The following TNN variants were observed in gnomAD, a reference collection of about 807,000 sequenced individuals.
TNN encodes tenascin-N.
In TNN, 122 loss-of-function variants were observed where a neutral mutation model predicts 134.4. The observed-to-expected ratio is 0.91, with a 90% confidence interval of 0.78 to 1.06. TNN has a LOEUF of 1.06. TNN is among the 50% of genes least tolerant of loss of function. The pLI, the probability that TNN is intolerant of heterozygous loss-of-function variation, is 0.00. For synonymous variants in TNN, 710 were observed against 670.3 expected (o/e 1.06, Z -0.91); for missense variants, 1,739 against 1,699.4 (o/e 1.02, Z -0.41).
At chr1:175,112,789 T>C (rs1225175364) in intron 9 of TNN, among the ~76,000 whole-genome samples, 1 of 151,532 alleles carries the variant, frequency 6.6e-6, no homozygotes, top group East Asian at 1.9e-4. Flanking sequence ...GGCTAATTTT[T>C]TTTTGTATTT....
chr1:175,120,681 C>CA (rs200822367), intron 11 of TNN, among the ~76,000 whole-genome samples: 9 of 152,060 alleles, frequency 5.9e-5, no homozygotes, highest in South Asian at 2.1e-4. Context: ...GACCTCACTG[C>CA]AAAAAAGGCT....
intron 9 of TNN, among the ~76,000 whole-genome samples, chr1:175,113,245 G>A (rs142384600): frequency 4.4e-4 from 67 of 152,294 alleles, no homozygotes; most frequent in Non-Finnish European, 5.6e-4. Context: ...CAGTTTAGTG[G>A]TGATGGATTC....
chr1:175,072,926 CTTTTTT>C (rs60879960), intron 1 of TNN, among the ~76,000 whole-genome samples: 3 of 46,762 alleles, frequency 6.4e-5, no homozygotes, highest in Admixed American at 3.8e-4. Context: ...GAGTCCACGG[CTTTTTT>C]TTTTTTTTTT....
In TNN at chr1:175,080,216, G is replaced by A; in HGVS notation, c.838G>A (p.Val280Met). Residue 280 changes from valine to methionine, a missense_variant, in exon 4 of 19, where the codon GTG becomes ATG. Physicochemically the swap from Val to Met is conservative, Grantham distance 21. Coordinates refer to ENST00000239462, the MANE Select transcript of TNN (RefSeq NM_022093.2). Reference sequence around the variant, plus strand: ...CAAGAACACGGAGGATTCTCTGCTGGTGAGCTGGGAGCCCTCCAGCCAGGT... The same window carrying A: ...CAAGAACACGGAGGATTCTCTGCTGATGAGCTGGGAGCCCTCCAGCCAGGT... Reference protein sequence around the residue: ...LLKNTEDSLLVSWEPSSQVDH... With the variant: ...LLKNTEDSLLMSWEPSSQVDH... The A allele has an allele frequency of 6.2e-7, 1 of 1,614,064 alleles. No individual in the cohort carries two copies. Among genetic ancestry groups the A allele is most frequent in the Non-Finnish European group, 8.5e-7 (1 of 1,179,992 alleles).
chr1:175,108,536 G>T (rs1379726713), intron 9 of TNN, among the ~76,000 whole-genome samples: 3 of 152,248 alleles, frequency 2.0e-5, no homozygotes, highest in African/African-American at 7.2e-5. Flanking sequence ...GGCTCGGGCT[G>T]CACAGGAACC....
chr1:175,091,929 A>G (rs1484102465), intron 6 of TNN, among the ~76,000 whole-genome samples: 1 of 152,168 alleles, frequency 6.6e-6, no homozygotes, highest in African/African-American at 2.4e-5. Context: ...CACCAACCCC[A>G]CAAAGCCACA....
chr1:175,134,448 G>A (rs961430307), intron 15 of TNN, among the ~76,000 whole-genome samples: 7 of 151,930 alleles, frequency 4.6e-5, no homozygotes, highest in Admixed American at 2.0e-4. Flanking sequence ...GGGAGGCTGA[G>A]GCAGGAGAGT....
rs1242487502 is a variant in TNN, at chr1:175,125,677, CCCT to C, written c.2915-1274_2915-1272del. On this transcript the variant is annotated intron_variant, in intron 12 of 18. Transcript: ENST00000239462. ...TCCTTCCTTCCTTCTCTCCCTCCCTCCCTCCTTTCTTTCTCTCTTTTTTCTCTC... is the reference window on the plus strand; with the variant it reads ...TCCTTCCTTCCTTCTCTCCCTCCCTCCCTTTCTTTCTCTCTTTTTTCTCTC... Among the ~76,000 whole-genome samples the C allele has an allele frequency of 4.4e-3, 463 of 105,552 alleles. 8 individuals are homozygous for C. The highest frequency in any genetic ancestry group is 0.015 in the African/African-American group (424 of 27,780). 69.2% of individuals were successfully genotyped at this position (105,552 alleles called of 152,430 possible).
chr1:175,089,441 G>T (rs1674391307), intron 6 of TNN, among the ~76,000 whole-genome samples: 3 of 152,186 alleles, frequency 2.0e-5, no homozygotes, highest in Non-Finnish European at 4.4e-5. Context: ...AGCTTAAGGA[G>T]CAGCAAGCAT....
At chr1:175,143,518 G>GGTGTGT (rs149081442) in intron 17 of TNN, among the ~76,000 whole-genome samples, 12,162 of 148,446 alleles carry the variant, frequency 0.082, 1,009 homozygotes, top group African/African-American at 0.22. Context: ...TTTGTGTGTA[G>GGTGTGT]GTGTGTGTGT....
chr1:175,068,790 C>T (rs1268757040), intron 1 of TNN, among the ~76,000 whole-genome samples: 1 of 152,180 alleles, frequency 6.6e-6, no homozygotes, highest in East Asian at 1.9e-4. Context: ...TGCCTATAAT[C>T]CCAGCTACTT....
At chr1:175,137,362 TA>T (rs1444555534) in intron 17 of TNN, among the ~76,000 whole-genome samples, 4 of 42,764 alleles carry the variant, frequency 9.4e-5, no homozygotes, top group African/African-American at 3.3e-4. Context: ...GTCTGCACAG[TA>T]GTGTGTGTGT....
intron 1 of TNN, among the ~76,000 whole-genome samples, chr1:175,076,887 T>C (rs529640594): frequency 6.6e-6 from 1 of 152,198 alleles, no homozygotes; most frequent in Non-Finnish European, 1.5e-5. Context: ...ATGGGGGTCA[T>C]CATAGTATAT....
intron 4 of TNN, among the ~76,000 whole-genome samples, chr1:175,082,812 G>T (rs1042909857): frequency 6.6e-6 from 1 of 152,114 alleles, no homozygotes; most frequent in Non-Finnish European, 1.5e-5. Context: ...GAATTGGAGG[G>T]CCTTGGCTTT....
At chr1:175,134,397 T>C (rs2101849278) in intron 15 of TNN, among the ~76,000 whole-genome samples, 1 of 151,944 alleles carries the variant, frequency 6.6e-6, no homozygotes, top group African/African-American at 2.4e-5. Context: ...ATACAAAAAT[T>C]AGCCGGGCAT....
intron 6 of TNN, among the ~76,000 whole-genome samples, chr1:175,090,455 T>G (rs1674418694): frequency 6.6e-6 from 1 of 151,916 alleles, no homozygotes; most frequent in Non-Finnish European, 1.5e-5. Flanking sequence ...CTGCCCCCCG[T>G]GTCTTCCTCC....
At chr1:175,141,345 G>A (rs1675940631) in intron 17 of TNN, among the ~76,000 whole-genome samples, 1 of 152,104 alleles carries the variant, frequency 6.6e-6, no homozygotes, top group Non-Finnish European at 1.5e-5. Context: ...AGCTGATTTC[G>A]AGTCCCACCT....
chr1:175,088,972 G>T (rs1194775360), intron 6 of TNN, among the ~76,000 whole-genome samples: 2 of 152,132 alleles, frequency 1.3e-5, no homozygotes, highest in Non-Finnish European at 2.9e-5. Flanking sequence ...TTGCTAGTTA[G>T]CCTTCCACCT....
At chr1:175,099,734 G>C (rs1674671778) in intron 9 of TNN, among the ~76,000 whole-genome samples, 1 of 152,184 alleles carries the variant, frequency 6.6e-6, no homozygotes, top group East Asian at 1.9e-4. Flanking sequence ...GTCGTGGAAA[G>C]TCATGCTTGA....
Sources: allele counts gnomAD v4.1 joint callset (sites outside exome capture counted in the v4.1 genomes callset), GRCh38; gene constraint gnomAD v4.1.1; transcripts MANE v1.5; gene names NCBI Gene and HGNC (gene_info 2026-07-23, HGNC 2026-07-21).